Variants in AHCYL2 observed in about 807,000 individuals in gnomAD.
AHCYL2 encodes S-adenosylhomocysteine hydrolase-like protein 2.
AHCYL2 carries 28 observed loss-of-function variants against 81.4 expected under a neutral mutation model. The observed-to-expected ratio is 0.34, with a 90% CI of 0.25 to 0.47. The LOEUF (loss-of-function observed/expected upper bound fraction) is 0.47. Among genes scored for constraint, AHCYL2 ranks in the 20% least tolerant of loss-of-function variants. The pLI, the probability that AHCYL2 is intolerant of heterozygous loss-of-function variation, is 1.00. For synonymous variants in AHCYL2, 272 were observed against 290.2 expected (o/e 0.94, Z 0.64); for missense variants, 551 against 785.1 (o/e 0.70, Z 3.56).
At chr7:129,379,870 G>C in intron 2 of AHCYL2, 121 bp downstream of exon 2, 2 of 692,668 alleles carry the variant, frequency 2.9e-6, no homozygotes, top group Non-Finnish European at 4.5e-6. Context: ...TAAATACTTC[G>C]AGTCAAAATT....
chr7:129,250,540 T>A (rs1417471247), intron 1 of AHCYL2, among the ~76,000 whole-genome samples: 2 of 152,242 alleles, frequency 1.3e-5, no homozygotes, highest in Admixed American at 1.3e-4. Flanking sequence ...TCTTTTCATA[T>A]TACACTGTCT....
Position 129,225,103 on chromosome 7 carries a change from G to T in AHCYL2, c.27G>T (p.Ala9=). Reference sequence around the variant, plus strand: ...TGTCGGTGCAGGTTGTGTCAGCCGCGGCTGCCGCCAAGGTGCCTGAGGTGG... The same window carrying T: ...TGTCGGTGCAGGTTGTGTCAGCCGCTGCTGCCGCCAAGGTGCCTGAGGTGG... MSVQVVSA[A]AAAKVPEVEL... is the part of the protein sequence containing the mutation. Residue 9 remains alanine (A), a synonymous_variant, in exon 1 of 17, where the codon GCG becomes GCT. Transcript: ENST00000325006. The T allele has an allele frequency of 6.3e-7, 1 of 1,598,256 alleles. No homozygotes were observed. The highest frequency in any genetic ancestry group is 8.5e-7 in the Non-Finnish European group (1 of 1,173,776).
chr7:129,272,838 A>G (rs1796067320), intron 1 of AHCYL2, among the ~76,000 whole-genome samples: 2 of 152,192 alleles, frequency 1.3e-5, no homozygotes, highest in Admixed American at 1.3e-4. Context: ...TAACCCAGGA[A>G]TGGTTGTGTT....
intron 1 of AHCYL2, among the ~76,000 whole-genome samples, chr7:129,354,705 C>T (rs909145863): frequency 6.6e-6 from 1 of 152,186 alleles, no homozygotes; most frequent in Admixed American, 6.5e-5. Context: ...ATTGAACTTC[C>T]TTCCACTTTC....
rs1796192156 is a variant in AHCYL2, at chr7:129,404,282, A to G, written c.1025+797A>G. On this transcript the variant is annotated intron_variant, in intron 7 of 16. Coordinates refer to ENST00000325006, the MANE Select transcript of AHCYL2 (RefSeq NM_015328.4). ...GTAGGGTTCTGCTTCTCAAATGAGTAATAATTCTCTGAGTAAAATTGGAAT... is the reference window on the plus strand; with the variant it reads ...GTAGGGTTCTGCTTCTCAAATGAGTGATAATTCTCTGAGTAAAATTGGAAT... 2.0e-5 allele frequency among the ~76,000 whole-genome samples: 3 copies of G among 152,274 alleles called. 1 individual carries two copies. In the South Asian group the frequency reaches 6.2e-4, roughly 32 times the overall value.
chr7:129,375,331 AT>A (rs58615894), intron 1 of AHCYL2, among the ~76,000 whole-genome samples: 44,381 of 151,552 alleles, frequency 0.29, 6,603 homozygotes, highest in South Asian at 0.37. Context: ...GGCACCATTA[AT>A]TTTTTTTTCT....
intron 1 of AHCYL2, among the ~76,000 whole-genome samples, chr7:129,376,360 A>G (rs1252856875): frequency 1.3e-5 from 2 of 152,224 alleles, no homozygotes; most frequent in African/African-American, 4.8e-5. Context: ...CATAACTTAT[A>G]TTTAAGTGGT....
At chr7:129,363,047 T>G (rs1031007993) in intron 1 of AHCYL2, among the ~76,000 whole-genome samples, 1 of 152,148 alleles carries the variant, frequency 6.6e-6, no homozygotes, top group Non-Finnish European at 1.5e-5. Flanking sequence ...TCAATACTTG[T>G]GGGAATACAA....
At chr7:129,250,596 G>A (rs1455656239) in intron 1 of AHCYL2, among the ~76,000 whole-genome samples, 20 of 152,134 alleles carry the variant, frequency 1.3e-4, no homozygotes, top group Admixed American at 1.3e-3. Context: ...CAGTGGACAT[G>A]TTTGCCTTGT....
intron 15 of AHCYL2, among the ~76,000 whole-genome samples, chr7:129,425,947 T>C (rs769792302): frequency 2.0e-5 from 3 of 152,208 alleles, no homozygotes; most frequent in Non-Finnish European, 4.4e-5. Context: ...AGTCAGATAA[T>C]AGAATGTGAA....
At chr7:129,236,808 G>C (rs3928439) in intron 1 of AHCYL2, among the ~76,000 whole-genome samples, 50,816 of 151,976 alleles carry the variant, frequency 0.33, 9,579 homozygotes, top group Non-Finnish European at 0.42. Context: ...TCTTCTGACA[G>C]AATGAGGCTG....
intron 2 of AHCYL2, among the ~76,000 whole-genome samples, chr7:129,380,074 T>G (rs1339072403): frequency 6.6e-6 from 1 of 152,146 alleles, no homozygotes; most frequent in Non-Finnish European, 1.5e-5. Flanking sequence ...GTGGTCTTTT[T>G]TTTTTTTCAT....
At chr7:129,326,178 A>G (rs1435140209) in intron 1 of AHCYL2, among the ~76,000 whole-genome samples, 1 of 152,132 alleles carries the variant, frequency 6.6e-6, no homozygotes, top group African/African-American at 2.4e-5. Context: ...TCTCCTTAAG[A>G]CTTTTAATAT....
chr7:129,293,450 C>T (rs1012976244), intron 1 of AHCYL2, among the ~76,000 whole-genome samples: 3 of 151,970 alleles, frequency 2.0e-5, no homozygotes, highest in Admixed American at 6.6e-5. Context: ...CCAAGACCAG[C>T]GGATCACTTG....
chr7:129,274,658 G>C (rs1295027764), intron 1 of AHCYL2, among the ~76,000 whole-genome samples: 1 of 152,118 alleles, frequency 6.6e-6, no homozygotes, highest in African/African-American at 2.4e-5. Context: ...TCTTCTGCCT[G>C]TGCCCGTTGG....
intron 13 of AHCYL2, among the ~76,000 whole-genome samples, chr7:129,423,327 A>G (rs1797203721): frequency 6.6e-6 from 1 of 152,324 alleles, no homozygotes; most frequent in South Asian, 2.1e-4. Context: ...ATCTTAGGCA[A>G]GTTCTGGGAA....
In AHCYL2 at chr7:129,304,965, T is replaced by C. The variant is rs184224588; in HGVS notation, c.364-74673T>C. On this transcript the variant is annotated intron_variant, in intron 1 of 16. Coordinates refer to ENST00000325006, the MANE Select transcript of AHCYL2 (RefSeq NM_015328.4). The stretch of plus-strand genomic sequence containing the variant: ...TTTTTTGGTCTTCTCTTTCTTCTTT[T>C]CTTCCTTCCTATTTTCCTTTTAGTG... Among the ~76,000 whole-genome samples the C allele has an allele frequency of 5.8e-3, 877 of 152,160 alleles. 7 individuals are homozygous for C. Among genetic ancestry groups the C allele is most frequent in the African/African-American group, 0.02 (828 of 41,518 alleles).
chr7:129,299,295 A>C (rs1386616739), intron 1 of AHCYL2, among the ~76,000 whole-genome samples: 7 of 146,638 alleles, frequency 4.8e-5, no homozygotes, highest in Non-Finnish European at 6.0e-5. Flanking sequence ...AAAAAAAAAC[A>C]AAAAACTATC....
chr7:129,254,614 T>C (rs1795349080), intron 1 of AHCYL2, among the ~76,000 whole-genome samples: 1 of 152,236 alleles, frequency 6.6e-6, no homozygotes, highest in African/African-American at 2.4e-5. Flanking sequence ...GAGCCAGGTC[T>C]CAATTTTCTC....
Sources: allele counts gnomAD v4.1 joint callset (sites outside exome capture counted in the v4.1 genomes callset), GRCh38; gene constraint gnomAD v4.1.1; transcripts MANE v1.5; gene names NCBI Gene and HGNC (gene_info 2026-07-23, HGNC 2026-07-21).